Variants in ESPNL observed in about 807,000 individuals in gnomAD.
ESPNL encodes the protein espin like.
ESPNL carries 49 observed loss-of-function variants against 46.8 expected under a neutral mutation model. The observed-to-expected ratio is 1.05, with a 90% CI of 0.83 to 1.33. The LOEUF is 1.33. ESPNL is among the 40% of genes most tolerant of loss of function. ESPNL has a pLI of 0.00. For missense variants in ESPNL, 1,540 were observed against 1,436.6 expected (o/e 1.07, Z -1.16); for synonymous variants, 664 against 662.1 (o/e 1.00, Z -0.04).
intron 5 of ESPNL, among the ~76,000 whole-genome samples, chr2:238,121,048 G>T (rs112014260): frequency 0.014 from 2,122 of 152,316 alleles, 47 homozygotes; most frequent in African/African-American, 0.047. Context: ...CCTCCTTTGT[G>T]TTGGGTCTGT....
intron 4 of ESPNL, among the ~76,000 whole-genome samples, chr2:238,108,523 C>T (rs984633759): frequency 6.6e-6 from 1 of 152,190 alleles, no homozygotes; most frequent in African/African-American, 2.4e-5. Context: ...TCGACCTCAT[C>T]TAAAGGCAAG....
At chr2:238,124,003 G>A (rs1692043622) in intron 5 of ESPNL, among the ~76,000 whole-genome samples, 1 of 152,238 alleles carries the variant, frequency 6.6e-6, no homozygotes, top group South Asian at 2.1e-4. Context: ...TGCTCAGGCA[G>A]GGCCAACTTC....
At chr2:238,105,067 C>T (rs1340191632) in intron 3 of ESPNL, among the ~76,000 whole-genome samples, 2 of 152,176 alleles carry the variant, frequency 1.3e-5, no homozygotes, top group Non-Finnish European at 2.9e-5. Context: ...GGGGTCGTGC[C>T]ACGGCTCCCC....
Position 238,104,812 on chromosome 2 carries a change from C to T in ESPNL, c.642C>T (p.Ala214=). The change falls in exon 3 of 9, where the codon GCC becomes GCT. Residue 214 remains alanine, a synonymous_variant. Transcript: ENST00000343063. The stretch of plus-strand genomic sequence containing the variant: ...TGAGCGCCCTGCACGCTGCCGCCGC[C>T]CGTGGCCACTACTCCCTCGTCGTCT... ...DGMSALHAAA[A]RGHYSLVVWL... The T allele has an allele frequency of 6.4e-7, 1 of 1,552,134 alleles. No individual in the cohort carries two copies. Among genetic ancestry groups the T allele is most frequent in the Non-Finnish European group, 8.7e-7 (1 of 1,150,698 alleles).
At position 238,130,597 on chromosome 2, in the gene ESPNL, C is replaced by A; in HGVS notation, c.1883C>A (p.Thr628Asn). The change falls in exon 9 of 9, where the codon ACC (threonine) becomes AAC (asparagine). Residue 628 changes from threonine to asparagine, a missense_variant. By Grantham distance (65) the Thr-to-Asn change is moderately conservative. Transcript: ENST00000343063. ...CCATCCACCCGGCCCCTGCAGGACA[C>A]CTGCAGGGAGGCCTCGGCCAGCCCC... ...EKPSTRPLQD[T>N]CREASASPPR... 1 of 1,569,192 alleles carries A rather than the reference C, an allele frequency of 6.4e-7. No homozygotes were observed. Among genetic ancestry groups the A allele is most frequent in the Non-Finnish European group, 8.6e-7 (1 of 1,157,230 alleles).
In ESPNL at chr2:238,130,803, G is replaced by A; in HGVS notation, c.2089G>A (p.Gly697Ser). The A allele has an allele frequency of 6.5e-7, 1 of 1,544,302 alleles. No individual in the cohort carries two copies. Among genetic ancestry groups the A allele is most frequent in the Non-Finnish European group, 8.7e-7 (1 of 1,148,876 alleles). The change falls in exon 9 of 9, where the codon GGC becomes AGC. Residue 697 changes from glycine (G) to serine (S), a missense_variant. Physicochemically the swap from Gly to Ser is moderately conservative, Grantham distance 56. Coordinates refer to ENST00000343063, the MANE Select transcript of ESPNL (RefSeq NM_194312.4). ...CWPALPKPRS[G>S]LASGEPRPGD... ...GCCAGCCCTGCCTAAGCCCCGCAGT[G>A]GCCTGGCTTCAGGGGAGCCCAGGCC... is the stretch of plus-strand genomic sequence containing the variant.
chr2:238,119,076 G>A (rs1185130709), intron 5 of ESPNL, among the ~76,000 whole-genome samples: 21 of 99,132 alleles, frequency 2.1e-4, no homozygotes, highest in South Asian at 3.2e-4. Flanking sequence ...GATGGAAGAG[G>A]GTGAATGGAG....
chr2:238,118,742 TGCA>T (rs1691892155), intron 5 of ESPNL, among the ~76,000 whole-genome samples: 1 of 60,048 alleles, frequency 1.7e-5, no homozygotes. Flanking sequence ...GGAGGGTGGT[TGCA>T]GGAGGATGGA....
chr2:238,105,080 G>C (rs1055165078), intron 3 of ESPNL, among the ~76,000 whole-genome samples: 1 of 152,132 alleles, frequency 6.6e-6, no homozygotes, highest in African/African-American at 2.4e-5. Context: ...GGCTCCCCTG[G>C]GGCTCTCCTA....
At chr2:238,126,022 GTGTC>G (rs1252589942) in intron 6 of ESPNL, among the ~76,000 whole-genome samples, 1 of 146,542 alleles carries the variant, frequency 6.8e-6, no homozygotes, top group African/African-American at 2.5e-5. Context: ...TGTTGTGTCT[GTGTC>G]TGTGTGTCTG....
intron 4 of ESPNL, among the ~76,000 whole-genome samples, chr2:238,115,171 G>T (rs1366115805): frequency 6.6e-6 from 1 of 152,218 alleles, no homozygotes; most frequent in Admixed American, 6.5e-5. Flanking sequence ...AGGGAGCAGG[G>T]CTCTATCTTT....
chr2:238,102,009 G>A lies in ESPNL; in HGVS notation c.363G>A (p.Glu121=). The part of the protein sequence containing the change: ...AARFGHPVLV[E]WLLHEGHSAT... ...GTTTTGGACACCCAGTGCTGGTGGA[G>A]TGGCTGCTCCACGAGGGCCACTCGG... Residue 121 remains glutamate, a synonymous_variant, in exon 2 of 9, where the codon GAG becomes GAA. Coordinates refer to ENST00000343063, the MANE Select transcript of ESPNL (RefSeq NM_194312.4). 6.2e-7 allele frequency: 1 copy of A among 1,609,918 alleles called. No individual in the cohort carries two copies. The highest frequency in any genetic ancestry group is 8.5e-7 in the Non-Finnish European group (1 of 1,179,560).
chr2:238,119,948 C>T (rs1185279319), intron 5 of ESPNL, among the ~76,000 whole-genome samples: 5 of 152,154 alleles, frequency 3.3e-5, no homozygotes, highest in Admixed American at 2.6e-4. Context: ...TTGGCACTGA[C>T]GGAAACCCAC....
intron 3 of ESPNL, among the ~76,000 whole-genome samples, chr2:238,106,691 G>T (rs1228528624): frequency 6.6e-6 from 1 of 152,270 alleles, no homozygotes; most frequent in Non-Finnish European, 1.5e-5. Context: ...TGCACACAGT[G>T]GGCAGAGCAG....
At chr2:238,120,790 C>T (rs2106473893) in intron 5 of ESPNL, among the ~76,000 whole-genome samples, 2 of 152,354 alleles carry the variant, frequency 1.3e-5, no homozygotes, top group East Asian at 1.9e-4. Context: ...GGCAGGCTGT[C>T]AGCTGTGGGC....
At chr2:238,119,196 T>G (rs1378295711) in intron 5 of ESPNL, among the ~76,000 whole-genome samples, 8 of 87,022 alleles carry the variant, frequency 9.2e-5, no homozygotes, top group African/African-American at 1.5e-4. Flanking sequence ...GAGGAATGGA[T>G]GGAGGAGGGT....
intron 2 of ESPNL, 105 bp from the exon 3 acceptor site, chr2:238,104,551 A>C (rs958806234): frequency 9.5e-6 from 12 of 1,264,802 alleles, no homozygotes; most frequent in Non-Finnish European, 3.2e-6. Flanking sequence ...TGGGAAACTC[A>C]GTCATCACGG....
intron 5 of ESPNL, among the ~76,000 whole-genome samples, chr2:238,123,603 G>A (rs758541819): frequency 6.6e-6 from 1 of 152,144 alleles, no homozygotes; most frequent in African/African-American, 2.4e-5. Flanking sequence ...GCCCAAGCCC[G>A]CCTGGCCACC....
intron 5 of ESPNL, 63 bp downstream of exon 5, chr2:238,117,097 A>G: frequency 6.5e-7 from 1 of 1,536,524 alleles, no homozygotes; most frequent in Non-Finnish European, 8.8e-7. Context: ...CCCAGCCAGG[A>G]CCCCACTGCT....
Sources: allele counts gnomAD v4.1 joint callset (sites outside exome capture counted in the v4.1 genomes callset), GRCh38; gene constraint gnomAD v4.1.1; transcripts MANE v1.5; gene names NCBI Gene and HGNC (gene_info 2026-07-23, HGNC 2026-07-21).